KCNJ6: variants seen among roughly 807,000 people sequenced by gnomAD.
KCNJ6 encodes G protein-activated inward rectifier potassium channel 2.
Under a neutral mutation model 34.2 loss-of-function variants are expected in KCNJ6, and 9 were observed. That is an observed-to-expected ratio of 0.26 (90% CI 0.16 to 0.46). The LOEUF (loss-of-function observed/expected upper bound fraction) is 0.46. Ranked by LOEUF, KCNJ6 falls within the 20% of genes least tolerant of loss-of-function variation. The pLI is 1.00. For missense variants in KCNJ6, 236 were observed against 531.3 expected, an observed-to-expected ratio of 0.44 and a Z score of 5.46; for synonymous variants, 196 against 207.1, an observed-to-expected ratio of 0.95 and a Z score of 0.46.
At chr21:37,806,346 T>C (rs2055293442) in intron 2 of KCNJ6, among the ~76,000 whole-genome samples, 1 of 152,194 alleles carries the variant, frequency 6.6e-6, no homozygotes, top group Admixed American at 6.5e-5. Context: ...GCACTGTGTA[T>C]GTGGTATAAT....
chr21:37,899,037 A>G (rs1254474658), intron 1 of KCNJ6, among the ~76,000 whole-genome samples: 1 of 152,258 alleles, frequency 6.6e-6, no homozygotes, highest in Non-Finnish European at 1.5e-5. Context: ...GAACTTACAT[A>G]GTAAAAATGC....
intron 3 of KCNJ6, among the ~76,000 whole-genome samples, chr21:37,658,483 A>T (rs1322550339): frequency 6.6e-6 from 1 of 152,274 alleles, no homozygotes; most frequent in Non-Finnish European, 1.5e-5. Flanking sequence ...AAGCGATGTT[A>T]GCAGGCAACT....
chr21:37,739,167 C>T (rs1342568557), intron 2 of KCNJ6, among the ~76,000 whole-genome samples: 1 of 152,178 alleles, frequency 6.6e-6, no homozygotes, highest in East Asian at 1.9e-4. Flanking sequence ...ATACCAATTA[C>T]ATGTTGAGCT....
In KCNJ6 at chr21:37,617,169, T is replaced by TTCCTTCCTTCCTTCC. The variant is rs2054274813; in HGVS notation, c.*7989_*7990insGGAAGGAAGGAAGGA. ...CTTCCTTCCTTCTTTCTTTATCTTT[T>TTCCTTCCTTCCTTCC]TTCCTTCCTTCCTTCCTTCCTTCCT... On this transcript the variant is annotated 3_prime_UTR_variant, in exon 4 of 4. Coordinates refer to ENST00000609713, the MANE Select transcript of KCNJ6 (RefSeq NM_002240.5). 1.1e-5 allele frequency: 1 copy of TTCCTTCCTTCCTTCC among 93,950 alleles called. No homozygotes were observed. Among genetic ancestry groups the TTCCTTCCTTCCTTCC allele is most frequent in the African/African-American group, 4.4e-5 (1 of 22,500 alleles). The allele number at this position is 93,950 out of a possible 1,614,324, so 5.8% of individuals were successfully genotyped here. A position where few individuals can be genotyped will look rare whatever the true frequency, so the allele number is the denominator to read the frequency against.
chr21:37,643,234 A>G (rs1216488500), intron 3 of KCNJ6, among the ~76,000 whole-genome samples: 3 of 152,166 alleles, frequency 2.0e-5, no homozygotes, highest in Non-Finnish European at 2.9e-5. Flanking sequence ...CTCTGTCTAC[A>G]TTGTTTCTGT....
At chr21:37,645,932 G>C (rs909502482) in intron 3 of KCNJ6, among the ~76,000 whole-genome samples, 3 of 139,072 alleles carry the variant, frequency 2.2e-5, no homozygotes, top group African/African-American at 8.2e-5. Context: ...TTAATAAAAC[G>C]GGGGTAAAAA....
intron 1 of KCNJ6, among the ~76,000 whole-genome samples, chr21:37,898,943 GC>G (rs2055803179): frequency 6.6e-6 from 1 of 152,258 alleles, no homozygotes; most frequent in South Asian, 2.1e-4. Flanking sequence ...CTTTGTTGAA[GC>G]TTTGAATACA....
chr21:37,799,280 AT>A lies in KCNJ6; in HGVS notation c.25+41377del, dbSNP rs2055258060. The stretch of plus-strand genomic sequence containing the variant: ...TTCTCAATAAGGATGTTTTCAAAAA[AT>A]CACAGTGCTGCCTAGGAGGGGAAAT... On this transcript the variant is annotated intron_variant, in intron 2 of 3. Coordinates refer to ENST00000609713, the MANE Select transcript of KCNJ6 (RefSeq NM_002240.5). 2.6e-5 allele frequency among the ~76,000 whole-genome samples: 4 copies of A among 152,318 alleles called. No individual in the cohort carries two copies. In the South Asian group the frequency reaches 8.3e-4, roughly 32 times the overall value.
At chr21:37,803,654 G>C (rs1354687728) in intron 2 of KCNJ6, among the ~76,000 whole-genome samples, 1 of 152,138 alleles carries the variant, frequency 6.6e-6, no homozygotes, top group African/African-American at 2.4e-5. Flanking sequence ...CCTCCTCCCT[G>C]CCCCACTGGG....
intron 3 of KCNJ6, among the ~76,000 whole-genome samples, chr21:37,663,306 C>T (rs758764684): frequency 2.6e-5 from 4 of 151,938 alleles, no homozygotes; most frequent in Non-Finnish European, 5.9e-5. Context: ...ATTATTTAAG[C>T]TTATAATAAA....
intron 2 of KCNJ6, among the ~76,000 whole-genome samples, chr21:37,756,353 G>A (rs983151142): frequency 1.3e-5 from 2 of 152,220 alleles, no homozygotes; most frequent in Non-Finnish European, 2.9e-5. Context: ...TGAAGACAGT[G>A]TGGGCCACAG....
rs1569437367 is a variant in KCNJ6, at chr21:37,649,151, A to AC, written c.947-23668_947-23667insG. Among the ~76,000 whole-genome samples, 18 of 148,702 alleles carry AC rather than the reference A, an allele frequency of 1.2e-4. No individual in the cohort carries two copies. In the East Asian group the frequency reaches 2.8e-3, roughly 23 times the overall value. ...CCATCTCAAAAAAAAAAAAAAAAAAAAAAGAAAGAAAAAGAAAGGGAGTTT... is the reference window on the plus strand; with the variant it reads ...CCATCTCAAAAAAAAAAAAAAAAAAACAAAGAAAGAAAAAGAAAGGGAGTTT... On this transcript the variant is annotated intron_variant, in intron 3 of 3. Coordinates refer to ENST00000609713, the MANE Select transcript of KCNJ6 (RefSeq NM_002240.5).
intron 2 of KCNJ6, among the ~76,000 whole-genome samples, chr21:37,772,842 C>T (rs1238806783): frequency 6.6e-6 from 1 of 152,058 alleles, no homozygotes; most frequent in Non-Finnish European, 1.5e-5. Context: ...AAGAGACTTG[C>T]CATGATTTCT....
chr21:37,769,584 G>A (rs1004388836), intron 2 of KCNJ6, among the ~76,000 whole-genome samples: 1 of 151,812 alleles, frequency 6.6e-6, no homozygotes, highest in Admixed American at 6.6e-5. Context: ...AGACGCCTCC[G>A]AGAAATCCTA....
chr21:37,899,032 T>C (rs1423668177), intron 1 of KCNJ6, among the ~76,000 whole-genome samples: 1 of 152,228 alleles, frequency 6.6e-6, no homozygotes, highest in Non-Finnish European at 1.5e-5. Flanking sequence ...AAAAAGAACT[T>C]ACATAGTAAA....
At chr21:37,793,118 T>C (rs1403251965) in intron 2 of KCNJ6, among the ~76,000 whole-genome samples, 2 of 152,242 alleles carry the variant, frequency 1.3e-5, no homozygotes, top group Admixed American at 1.3e-4. Context: ...CTGATGAAGC[T>C]GGAAGGAATT....
At chr21:37,819,771 C>T (rs577217301) in intron 2 of KCNJ6, among the ~76,000 whole-genome samples, 25 of 149,962 alleles carry the variant, frequency 1.7e-4, no homozygotes, top group African/African-American at 5.9e-4. Flanking sequence ...ATGGCTATCA[C>T]ATTGTCTAAG....
At chr21:37,682,334 A>T (rs1307377040) in intron 3 of KCNJ6, among the ~76,000 whole-genome samples, 1 of 152,228 alleles carries the variant, frequency 6.6e-6, no homozygotes, top group Non-Finnish European at 1.5e-5. Flanking sequence ...TTGGAACAAA[A>T]TGCAAGCTGA....
At chr21:37,652,040 G>A (rs2054436178) in intron 3 of KCNJ6, among the ~76,000 whole-genome samples, 1 of 152,142 alleles carries the variant, frequency 6.6e-6, no homozygotes. Flanking sequence ...AATGAGAATT[G>A]GAGATAGAAT....
Sources: allele counts gnomAD v4.1 joint callset (sites outside exome capture counted in the v4.1 genomes callset), GRCh38; gene constraint gnomAD v4.1.1; transcripts MANE v1.5; gene names NCBI Gene and HGNC (gene_info 2026-07-23, HGNC 2026-07-21).